The following SLC35G1 variants were observed in gnomAD, a reference collection of about 807,000 sequenced individuals.
SLC35G1 encodes the protein partner of STIM1.
Under a neutral mutation model 17.1 loss-of-function variants are expected in SLC35G1, and 10 were observed. The ratio of observed to expected loss-of-function variants is 0.59; its 90% CI spans 0.36 to 0.99. The LOEUF (loss-of-function observed/expected upper bound fraction) is 0.99. Ranked by LOEUF, SLC35G1 falls within the 50% of genes least tolerant of loss-of-function variation. The pLI, the probability that SLC35G1 is intolerant of heterozygous loss-of-function variation, is 0.01. For synonymous variants in SLC35G1, 185 were observed against 181.1 expected (o/e 1.02, Z -0.18); for missense variants, 433 against 468.4 (o/e 0.92, Z 0.70).
intron 1 of SLC35G1, among the ~76,000 whole-genome samples, chr10:93,898,193 G>T (rs1233339414): frequency 6.6e-6 from 1 of 152,194 alleles, no homozygotes; most frequent in Non-Finnish European, 1.5e-5. Flanking sequence ...AATTTCGCCA[G>T]TGAGGTGTGG....
chr10:93,898,040 A>G (rs776092312), intron 1 of SLC35G1, among the ~76,000 whole-genome samples: 29 of 152,192 alleles, frequency 1.9e-4, no homozygotes, highest in Admixed American at 6.5e-4. Flanking sequence ...AGTGTCTTCC[A>G]TGTGCCAGGC....
chr10:93,902,008 G>A lies in SLC35G1; in HGVS notation c.*518G>A, dbSNP rs1344934992. 1 of 152,562 alleles carries A rather than the reference G, an allele frequency of 6.6e-6. No homozygotes were observed. The highest frequency in any genetic ancestry group is 1.5e-5 in the Non-Finnish European group (1 of 68,056). 9.5% of individuals were successfully genotyped at this position (152,562 alleles called of 1,614,324 possible). ...TTCTATTTAGGAGGATGAAGTTGAA[G>A]CTTAGAATAGGTGCCTGCTTAATGG... On this transcript the variant is annotated 3_prime_UTR_variant, in exon 3 of 3. Transcript: ENST00000427197.
At chr10:93,896,608 T>C (rs2060332982) in intron 1 of SLC35G1, among the ~76,000 whole-genome samples, 1 of 152,194 alleles carries the variant, frequency 6.6e-6, no homozygotes. Flanking sequence ...GTCCTCACCC[T>C]CGTTAACAAA....
At chr10:93,894,291 C>A in intron 1 of SLC35G1, 80 bp downstream of exon 1, 1 of 1,260,196 alleles carries the variant, frequency 7.9e-7, no homozygotes, top group African/African-American at 1.6e-5. Flanking sequence ...TCCCCGCAAC[C>A]CGGGCACAGT....
chr10:93,903,620 T>C lies in SLC35G1; in HGVS notation c.*2130T>C, dbSNP rs1427076230. On this transcript the variant is annotated 3_prime_UTR_variant, in exon 3 of 3. Transcript: ENST00000427197. ...GTTTAAGTACTTGAATGTCACACTA[T>C]ATAACTGAGGTTAGAGAAAATGTTT... The C allele has an allele frequency of 6.6e-6, 1 of 152,216 alleles. No individual in the cohort carries two copies. Among genetic ancestry groups the C allele is most frequent in the African/African-American group, 2.4e-5 (1 of 41,468 alleles). The allele number at this position is 152,216 out of a possible 1,614,324, so 9.4% of individuals were successfully genotyped here.
Position 93,903,205 on chromosome 10 carries a change from T to A in SLC35G1, c.*1715T>A, listed in dbSNP as rs917610605. The A allele has an allele frequency of 3.3e-5, 5 of 152,222 alleles. No homozygotes were observed. The highest frequency in any genetic ancestry group is 1.2e-4 in the African/African-American group (5 of 41,464). The allele number at this position is 152,222 out of a possible 1,614,324, so 9.4% of individuals were successfully genotyped here. A position where few individuals can be genotyped will look rare whatever the true frequency, so the allele number is the denominator to read the frequency against. Reference sequence around the variant, plus strand: ...TGACAAACCCTAAATGAAGTCTATGTAGGTGAGTCATCTCTGTTCCACCTG... The same window carrying A: ...TGACAAACCCTAAATGAAGTCTATGAAGGTGAGTCATCTCTGTTCCACCTG... On this transcript the variant is annotated 3_prime_UTR_variant, in exon 3 of 3. Transcript: ENST00000427197.
Position 93,901,551 on chromosome 10 carries a change from A to T in SLC35G1, c.*61A>T, listed in dbSNP as rs2060385408. 1 of 1,491,188 alleles carries T rather than the reference A, an allele frequency of 6.7e-7. No individual in the cohort carries two copies. Among genetic ancestry groups the T allele is most frequent in the South Asian group, 1.4e-5 (1 of 69,810 alleles). The allele number at this position is 1,491,188 out of a possible 1,614,324, so 92.4% of individuals were successfully genotyped here. ...CACCATCACCTAATTCACATACAGC[A>T]TACGCACACATCTGGAAAATCTGCA... On this transcript the variant is annotated 3_prime_UTR_variant, in exon 3 of 3. Transcript: ENST00000427197.
rs1469568725 is a variant in SLC35G1, at chr10:93,901,098, G to A, written c.706G>A (p.Ala236Thr). 4 of 1,614,104 alleles carry A rather than the reference G, an allele frequency of 2.5e-6. No individual in the cohort carries two copies. Among genetic ancestry groups the A allele is most frequent in the Non-Finnish European group, 3.4e-6 (4 of 1,179,960 alleles). Residue 236 changes from alanine to threonine, a missense_variant, in exon 3 of 3, where the codon GCA becomes ACA. Transcript: ENST00000427197. ...FAAIGSAVFA[A>T]STLVILRKMG... ...AGCAATTGGAAGTGCCGTATTTGCT[G>A]CATCGACTCTAGTTATCCTAAGAAA...
In SLC35G1 at chr10:93,900,832, T is replaced by C; in HGVS notation, c.440T>C (p.Ile147Thr). The C allele has an allele frequency of 6.2e-7, 1 of 1,614,140 alleles. No homozygotes were observed. Among genetic ancestry groups the C allele is most frequent in the Non-Finnish European group, 8.5e-7 (1 of 1,179,964 alleles). The change falls in exon 3 of 3, where the codon ATA (isoleucine) becomes ACA (threonine). Residue 147 changes from isoleucine (I) to threonine (T), a missense_variant. By Grantham distance (89) the Ile-to-Thr change is moderately conservative (BLOSUM62 -1). Transcript: ENST00000427197. The part of the protein sequence containing the change: ...GVLGSTAMML[I>T]YYAYQTMSLA... ...CTTGGTTCTACCGCCATGATGCTTA[T>C]ATACTATGCTTACCAGACAATGTCC... is the stretch of plus-strand genomic sequence containing the variant.
downstream of SLC35G1, among the ~76,000 whole-genome samples, chr10:93,904,525 C>A (rs182564370): frequency 1.3e-5 from 2 of 152,216 alleles, no homozygotes; most frequent in Admixed American, 1.3e-4. Context: ...GCATTTCCCC[C>A]CTGTCCTTAC....
intron 2 of SLC35G1, among the ~76,000 whole-genome samples, chr10:93,899,559 C>G (rs1051778592): frequency 2.0e-5 from 3 of 151,928 alleles, no homozygotes; most frequent in African/African-American, 7.3e-5. Context: ...TCTCTTTGGG[C>G]AAAAAAGGCT....
chr10:93,904,721 C>A (rs2060417550), downstream of SLC35G1, among the ~76,000 whole-genome samples: 1 of 152,194 alleles, frequency 6.6e-6, no homozygotes, highest in Non-Finnish European at 1.5e-5. Context: ...ACCTAATGCA[C>A]CTGAGCCTGT....
At position 93,893,988 on chromosome 10, in the gene SLC35G1, G is replaced by A; in HGVS notation, c.-46G>A. 7.5e-7 allele frequency: 1 copy of A among 1,329,130 alleles called. No individual in the cohort carries two copies. Among genetic ancestry groups the A allele is most frequent in the Non-Finnish European group, 9.6e-7 (1 of 1,042,920 alleles). 82.3% of individuals were successfully genotyped at this position (1,329,130 alleles called of 1,614,324 possible). ...GAAGAGCGGCAGCCCAGGCGCTGCT[G>A]CTGGCGCCAGACGGCACCGGCCGCT... On this transcript the variant is annotated 5_prime_UTR_variant, in exon 1 of 3. Coordinates refer to ENST00000427197, the MANE Select transcript of SLC35G1 (RefSeq NM_001134658.3).
chr10:93,895,791 C>G (rs2060323842), intron 1 of SLC35G1, among the ~76,000 whole-genome samples: 1 of 152,154 alleles, frequency 6.6e-6, no homozygotes, highest in Non-Finnish European at 1.5e-5. Context: ...ACACATACAG[C>G]TGTCCCAAGA....
At chr10:93,898,223 G>A (rs2060348736) in intron 1 of SLC35G1, among the ~76,000 whole-genome samples, 1 of 152,176 alleles carries the variant, frequency 6.6e-6, no homozygotes, top group Non-Finnish European at 1.5e-5. Context: ...TCACTTGGAA[G>A]GATTTTTTAC....
downstream of SLC35G1, chr10:93,907,995 CTT>C (rs2060438603): frequency 6.6e-6 from 1 of 152,190 alleles, no homozygotes; most frequent in African/African-American, 2.4e-5. Context: ...ACCTTACGGA[CTT>C]CCTTTTGCTC....
chr10:93,899,395 A>C (rs958667270), intron 2 of SLC35G1, among the ~76,000 whole-genome samples: 4 of 151,966 alleles, frequency 2.6e-5, no homozygotes, highest in African/African-American at 9.7e-5. Context: ...GTTCTCTCCC[A>C]ACCCAATTCC....
rs1469381468 is a variant in SLC35G1, at chr10:93,903,594, A to G, written c.*2104A>G. On this transcript the variant is annotated 3_prime_UTR_variant, in exon 3 of 3. Transcript: ENST00000427197. ...GAGACATGTTTTGTTTGAACAATGT[A>G]GTTTAAGTACTTGAATGTCACACTA... 6.6e-5 allele frequency: 10 copies of G among 152,342 alleles called. No homozygotes were observed. The East Asian group carries it at 1.9e-3, about 29-fold the overall frequency. The allele number at this position is 152,342 out of a possible 1,614,324, so 9.4% of individuals were successfully genotyped here.
Position 93,901,755 on chromosome 10 carries a change from T to G in SLC35G1, c.*265T>G, listed in dbSNP as rs1289802507. On this transcript the variant is annotated 3_prime_UTR_variant, in exon 3 of 3. Coordinates refer to ENST00000427197, the MANE Select transcript of SLC35G1 (RefSeq NM_001134658.3). The stretch of plus-strand genomic sequence containing the variant: ...AGTTGGTGAGAGGAGAGCTCATTGT[T>G]TGAAGAAAAACCAAAACATTTTATG... The G allele has an allele frequency of 1.8e-5, 6 of 324,568 alleles. No individual in the cohort carries two copies. Among genetic ancestry groups the G allele is most frequent in the Non-Finnish European group, 3.3e-5 (6 of 181,260 alleles). The allele number at this position is 324,568 out of a possible 1,614,324, so 20.1% of individuals were successfully genotyped here.
Sources: gnomAD v4.1 joint callset for allele counts (sites outside exome capture counted in the v4.1 genomes callset) on GRCh38, gnomAD v4.1.1 for gene constraint, MANE v1.5 for transcripts, NCBI Gene and HGNC (gene_info 2026-07-23, HGNC 2026-07-21) for gene names.